MAGI1: variants seen among roughly 807,000 people sequenced by gnomAD.
MAGI1 encodes membrane associated guanylate kinase, WW and PDZ domain containing 1, also known as membrane-associated guanylate kinase, WW and PDZ domain-containing protein 1.
A neutral mutation model predicts 139.9 loss-of-function variants in MAGI1; 58 were observed. That is an observed-to-expected ratio of 0.41 (90% CI 0.34 to 0.52). MAGI1 has a LOEUF of 0.52. Ranked by LOEUF, MAGI1 falls within the 20% of genes least tolerant of loss-of-function variation. MAGI1 has a pLI of 0.12. For synonymous variants in MAGI1, 812 were observed against 737.9 expected (o/e 1.10, Z -1.63); for missense variants, 1,874 against 1,901.6 (o/e 0.99, Z 0.27).
At chr3:66,017,313 C>A (rs2067703650) in intron 1 of MAGI1, among the ~76,000 whole-genome samples, 1 of 152,224 alleles carries the variant, frequency 6.6e-6, no homozygotes, top group Admixed American at 6.5e-5. Flanking sequence ...CCGGGAAGCT[C>A]CGCGCTGCAA....
intron 2 of MAGI1, among the ~76,000 whole-genome samples, chr3:65,525,907 CCT>C (rs1180906799): frequency 1.3e-5 from 2 of 152,104 alleles, no homozygotes; most frequent in African/African-American, 2.4e-5. Context: ...CACATTGTCC[CCT>C]GTTTTAATTG....
chr3:65,847,985 C>T lies in MAGI1; in HGVS notation c.313+190011G>A, dbSNP rs181319368. Among the ~76,000 whole-genome samples, 240 of 152,282 alleles carry T rather than the reference C, an allele frequency of 1.6e-3. 2 individuals carry two copies. Among genetic ancestry groups the T allele is most frequent in the Admixed American group, 0.014 (221 of 15,296 alleles). ...AGGAGTTTGAGTCCAGTTTGGGCAA[C>T]ACAGTGAGACTTCAACATTTTGGTT... On this transcript the variant is annotated intron_variant, in intron 1 of 22. Coordinates refer to ENST00000402939, the MANE Select transcript of MAGI1 (RefSeq NM_001033057.2).
chr3:65,629,285 A>G (rs986410372), intron 1 of MAGI1, among the ~76,000 whole-genome samples: 1 of 152,200 alleles, frequency 6.6e-6, no homozygotes, highest in African/African-American at 2.4e-5. Context: ...CCGAGAGGGC[A>G]GAATACAATT....
chr3:66,031,418 C>T (rs1054958881), intron 1 of MAGI1, among the ~76,000 whole-genome samples: 6 of 152,146 alleles, frequency 3.9e-5, no homozygotes, highest in Admixed American at 3.3e-4. Context: ...ATCAATTCTG[C>T]CATCTAAAAC....
chr3:65,383,005 T>C (rs1405800416), intron 15 of MAGI1, among the ~76,000 whole-genome samples: 1 of 152,208 alleles, frequency 6.6e-6, no homozygotes, highest in Non-Finnish European at 1.5e-5. Context: ...TCTAAATTTA[T>C]TCCAAAATGG....
intron 1 of MAGI1, among the ~76,000 whole-genome samples, chr3:65,696,321 G>C (rs1240402257): frequency 3.3e-5 from 5 of 151,960 alleles, no homozygotes; most frequent in African/African-American, 9.7e-5. Context: ...CCTACCACTT[G>C]AGATACATTT....
At chr3:65,656,979 C>CAAAAA (rs58817001) in intron 1 of MAGI1, among the ~76,000 whole-genome samples, 8 of 73,932 alleles carry the variant, frequency 1.1e-4, no homozygotes, top group Admixed American at 1.8e-4. Flanking sequence ...GACACCATCT[C>CAAAAA]AAAAAAAAAA....
chr3:65,882,519 G>C lies in MAGI1; in HGVS notation c.313+155477C>G, dbSNP rs17074058. On this transcript the variant is annotated intron_variant, in intron 1 of 22. Transcript: ENST00000402939. ...TACAGGATGGCAGGGAACCTCGGTT[G>C]ACCATCCCATTAAGACTAAGGGAGA... Among the ~76,000 whole-genome samples, 264 of 152,194 alleles carry C rather than the reference G, an allele frequency of 1.7e-3. 6 individuals are homozygous for C. In the East Asian group the frequency reaches 0.042, roughly 24 times the overall value.
intron 1 of MAGI1, among the ~76,000 whole-genome samples, chr3:65,955,425 C>T (rs1469303484): frequency 6.6e-6 from 1 of 152,178 alleles, no homozygotes; most frequent in East Asian, 1.9e-4. Flanking sequence ...TACACCTCTC[C>T]TAGCCTCCTA....
At chr3:65,849,520 TAC>T (rs1354445018) in intron 1 of MAGI1, among the ~76,000 whole-genome samples, 3 of 150,268 alleles carry the variant, frequency 2.0e-5, no homozygotes, top group African/African-American at 7.3e-5. Context: ...TCATCAAATA[TAC>T]ATATATATCA....
At chr3:65,695,425 C>G (rs946099889) in intron 1 of MAGI1, among the ~76,000 whole-genome samples, 3 of 152,142 alleles carry the variant, frequency 2.0e-5, no homozygotes, top group African/African-American at 7.2e-5. Flanking sequence ...TCCTGGATAT[C>G]CTCCGCTTCA....
intron 2 of MAGI1, among the ~76,000 whole-genome samples, chr3:65,533,885 G>C (rs996397597): frequency 5.3e-5 from 8 of 151,968 alleles, no homozygotes; most frequent in African/African-American, 1.9e-4. Context: ...CCACTACTAG[G>C]TAAGATCATT....
At chr3:65,844,286 C>A in intron 1 of MAGI1, 1 of 368,560 alleles carries the variant, frequency 2.7e-6, no homozygotes, top group South Asian at 2.2e-5. Flanking sequence ...TTGCAGAGCT[C>A]ACACGGTCAG....
At chr3:65,411,398 A>G (rs991268202) in intron 12 of MAGI1, among the ~76,000 whole-genome samples, 1 of 152,214 alleles carries the variant, frequency 6.6e-6, no homozygotes, top group Non-Finnish European at 1.5e-5. Flanking sequence ...GCTCATTCAC[A>G]GAGGTCTCCC....
intron 1 of MAGI1, among the ~76,000 whole-genome samples, chr3:65,967,238 G>A (rs964769100): frequency 1.4e-4 from 22 of 152,158 alleles, no homozygotes; most frequent in African/African-American, 5.3e-4. Flanking sequence ...AAACAGCATG[G>A]TAAAATGTCA....
intron 1 of MAGI1, among the ~76,000 whole-genome samples, chr3:65,948,673 C>T (rs2063655874): frequency 6.6e-6 from 1 of 152,186 alleles, no homozygotes; most frequent in South Asian, 2.1e-4. Flanking sequence ...ACTGGCTCAA[C>T]TTATTCAACA....
intron 1 of MAGI1, among the ~76,000 whole-genome samples, chr3:65,842,362 CT>C (rs10711015): frequency 0.49 from 70,027 of 142,302 alleles, 17,539 homozygotes; most frequent in East Asian, 0.76. Flanking sequence ...TAAATGTGTA[CT>C]TTTTTTTTTT....
intron 12 of MAGI1, among the ~76,000 whole-genome samples, chr3:65,411,532 A>T (rs1945793886): frequency 6.6e-6 from 1 of 152,164 alleles, no homozygotes. Context: ...ATAGCTCACC[A>T]AAAGAAAACA....
At chr3:65,382,462 G>A (rs1007469143) in intron 15 of MAGI1, among the ~76,000 whole-genome samples, 1 of 152,134 alleles carries the variant, frequency 6.6e-6, no homozygotes, top group Non-Finnish European at 1.5e-5. Flanking sequence ...ATCATGCCTA[G>A]GAATAGGGAA....
Sources: allele counts gnomAD v4.1 joint callset (sites outside exome capture counted in the v4.1 genomes callset), GRCh38; gene constraint gnomAD v4.1.1; transcripts MANE v1.5; gene names NCBI Gene and HGNC (gene_info 2026-07-23, HGNC 2026-07-21).